Variants in SKAP1 observed in about 807,000 individuals in gnomAD.
The protein encoded by SKAP1 is src kinase-associated phosphoprotein 1.
Under a neutral mutation model 58.5 loss-of-function variants are expected in SKAP1, and 44 were observed. The observed-to-expected ratio is 0.75, with a 90% CI of 0.59 to 0.97. The LOEUF (loss-of-function observed/expected upper bound fraction) is 0.97, where lower values mean the gene tolerates loss of function less well. Ranked by LOEUF, SKAP1 falls within the 50% of genes least tolerant of loss-of-function variation. The pLI is 0.00. For synonymous variants in SKAP1, 127 were observed against 149.7 expected, an observed-to-expected ratio of 0.85 and a Z score of 1.11; for missense variants, 390 against 435.2, an observed-to-expected ratio of 0.90 and a Z score of 0.92.
chr17:48,133,942 G>GTTATCA (rs2063669059), intron 12 of SKAP1, 126 bp from the exon 13 acceptor site: 1 of 152,194 alleles, frequency 6.6e-6, no homozygotes, highest in African/African-American at 2.4e-5. Flanking sequence ...AGGCAACCAT[G>GTTATCA]TTATCATTTC....
intron 1 of SKAP1, among the ~76,000 whole-genome samples, chr17:48,411,398 C>CAAATAAAT (rs55868728): frequency 0.035 from 5,126 of 147,258 alleles, 115 homozygotes; most frequent in East Asian, 0.064. Flanking sequence ...GATTCCATCT[C>CAAATAAAT]AAATAAATAA....
chr17:48,315,121 A>G (rs574596671), intron 4 of SKAP1, among the ~76,000 whole-genome samples: 4 of 152,314 alleles, frequency 2.6e-5, no homozygotes, highest in Non-Finnish European at 5.9e-5. Context: ...ATATAACTAA[A>G]ACAAACTGCC....
intron 4 of SKAP1, among the ~76,000 whole-genome samples, chr17:48,235,910 A>G (rs1229577915): frequency 6.6e-6 from 1 of 152,204 alleles, no homozygotes; most frequent in African/African-American, 2.4e-5. Context: ...TATGTAGCTC[A>G]AGGGACCACA....
chr17:48,434,167 A>G (rs1331670964), upstream of SKAP1, among the ~76,000 whole-genome samples: 1 of 152,162 alleles, frequency 6.6e-6, no homozygotes, highest in African/African-American at 2.4e-5. Context: ...AACCCCATCA[A>G]CCGGGTTTAT....
chr17:48,440,859 T>A, the SKAP1 span, among the ~76,000 whole-genome samples: 1 of 152,046 alleles, frequency 6.6e-6, no homozygotes, highest in African/African-American at 2.4e-5. Flanking sequence ...CAGCCCAGAG[T>A]AGTAGACTAG....
At chr17:48,351,800 A>G (rs2066805409) in intron 3 of SKAP1, among the ~76,000 whole-genome samples, 1 of 152,154 alleles carries the variant, frequency 6.6e-6, no homozygotes, top group Non-Finnish European at 1.5e-5. Context: ...AGCCAAATTG[A>G]TTAGACACTC....
chr17:48,357,766 A>C (rs927693384), intron 3 of SKAP1, among the ~76,000 whole-genome samples: 2 of 152,264 alleles, frequency 1.3e-5, no homozygotes, highest in African/African-American at 2.4e-5. Context: ...ATGTATAGGA[A>C]GTAAATTATT....
intron 4 of SKAP1, among the ~76,000 whole-genome samples, chr17:48,290,625 C>A (rs1237796366): frequency 6.8e-6 from 1 of 147,396 alleles, no homozygotes; most frequent in African/African-American, 2.6e-5. Flanking sequence ...GTTTACATTA[C>A]ATCATGTCAT....
intron 4 of SKAP1, among the ~76,000 whole-genome samples, chr17:48,269,733 G>C (rs920546236): frequency 2.0e-5 from 3 of 152,266 alleles, no homozygotes; most frequent in Non-Finnish European, 4.4e-5. Flanking sequence ...AAGTTAAAGA[G>C]AGCTTTTATC....
At chr17:48,283,158 T>A (rs775426864) in intron 4 of SKAP1, among the ~76,000 whole-genome samples, 3 of 152,150 alleles carry the variant, frequency 2.0e-5, no homozygotes, top group Admixed American at 6.6e-5. Context: ...AGACTCCTGC[T>A]GTGAGTCAAG....
At chr17:48,311,242 C>T (rs918166429) in intron 4 of SKAP1, among the ~76,000 whole-genome samples, 1 of 152,140 alleles carries the variant, frequency 6.6e-6, no homozygotes, top group African/African-American at 2.4e-5. Flanking sequence ...GCTCAGGTTA[C>T]GGATATGGAA....
chr17:48,322,806 G>A (rs758168381), intron 4 of SKAP1, among the ~76,000 whole-genome samples: 1 of 152,152 alleles, frequency 6.6e-6, no homozygotes, highest in Non-Finnish European at 1.5e-5. Flanking sequence ...TAAGAAATAT[G>A]GTAGAATGGC....
chr17:48,315,150 T>G (rs1387409362), intron 4 of SKAP1, among the ~76,000 whole-genome samples: 1 of 152,186 alleles, frequency 6.6e-6, no homozygotes, highest in African/African-American at 2.4e-5. Flanking sequence ...CAAGTCAGAA[T>G]TCCAGGTTTA....
chr17:48,345,756 A>G, intron 4 of SKAP1, 149 bp downstream of exon 4: 5 of 605,378 alleles, frequency 8.3e-6, no homozygotes, highest in Non-Finnish European at 1.2e-5. Flanking sequence ...CCACAATGAA[A>G]CAAATAGTTG....
At chr17:48,406,041 T>C (rs1024225755) in intron 1 of SKAP1, among the ~76,000 whole-genome samples, 1 of 151,476 alleles carries the variant, frequency 6.6e-6, no homozygotes, top group South Asian at 2.1e-4. Context: ...CCAAGGCGGG[T>C]AGATCACGAA....
intron 4 of SKAP1, among the ~76,000 whole-genome samples, chr17:48,278,087 C>T (rs2065721974): frequency 6.6e-6 from 1 of 152,182 alleles, no homozygotes; most frequent in Non-Finnish European, 1.5e-5. Flanking sequence ...ACACATATTC[C>T]TATTTATCCT....
intron 4 of SKAP1, among the ~76,000 whole-genome samples, chr17:48,342,281 T>C (rs1481980303): frequency 6.6e-6 from 1 of 152,222 alleles, no homozygotes; most frequent in Non-Finnish European, 1.5e-5. Context: ...TGTCTCTCTC[T>C]GCCTTCAAAT....
At chr17:48,209,062 C>A (rs1446554961) in intron 4 of SKAP1, among the ~76,000 whole-genome samples, 2 of 152,034 alleles carry the variant, frequency 1.3e-5, no homozygotes, top group African/African-American at 4.8e-5. Flanking sequence ...GAAAAATGAC[C>A]ATTTTTCTCT....
intron 4 of SKAP1, among the ~76,000 whole-genome samples, chr17:48,277,958 T>G (rs2065720780): frequency 6.6e-6 from 1 of 152,226 alleles, no homozygotes; most frequent in Non-Finnish European, 1.5e-5. Context: ...GTAATCTCTA[T>G]GATGTGGGAA....
Sources: gnomAD v4.1 joint callset for allele counts (sites outside exome capture counted in the v4.1 genomes callset) on GRCh38, gnomAD v4.1.1 for gene constraint, MANE v1.5 for transcripts, NCBI Gene and HGNC (gene_info 2026-07-23, HGNC 2026-07-21) for gene names.